The following RIMS2 variants were observed in gnomAD, a reference collection of about 807,000 sequenced individuals.
RIMS2 encodes regulating synaptic membrane exocytosis protein 2.
In RIMS2, 59 loss-of-function variants were observed where a neutral mutation model predicts 174.4. That is an observed-to-expected ratio of 0.34 (90% CI 0.27 to 0.42). The LOEUF is 0.42. Among genes scored for constraint, RIMS2 ranks in the 10% least tolerant of loss-of-function variants. RIMS2 has a pLI of 1.00. For missense variants in RIMS2, 1,620 were observed against 1,666.3 expected (o/e 0.97, Z 0.48); for synonymous variants, 606 against 572.5 (o/e 1.06, Z -0.84).
rs185567272 is a variant in RIMS2, at chr8:103,834,169, T to A, written c.699-51129T>A. Among the ~76,000 whole-genome samples, 261 of 152,126 alleles carry A rather than the reference T, an allele frequency of 1.7e-3. 1 individual carries two copies. Among genetic ancestry groups the A allele is most frequent in the African/African-American group, 5.1e-3 (212 of 41,534 alleles). On this transcript the variant is annotated intron_variant, in intron 3 of 23. Transcript: ENST00000504942. ...GAACTACAGGCATGCATCATTTTTT[T>A]AAAAAATTTTTTGTAGAGACAGGGT...
At chr8:104,163,365 GTCC>G (rs1388480787) in intron 19 of RIMS2, among the ~76,000 whole-genome samples, 2 of 151,940 alleles carry the variant, frequency 1.3e-5, no homozygotes, top group East Asian at 3.9e-4. Flanking sequence ...GCCAACTATT[GTCC>G]TCCTCATATG....
intron 19 of RIMS2, among the ~76,000 whole-genome samples, chr8:104,018,457 T>G (rs1362053783): frequency 1.3e-5 from 2 of 152,228 alleles, no homozygotes; most frequent in Non-Finnish European, 2.9e-5. Context: ...ACTTAAGCTA[T>G]CTAGGCAATT....
At chr8:103,737,307 C>T (rs1292725217) in intron 2 of RIMS2, among the ~76,000 whole-genome samples, 1 of 150,602 alleles carries the variant, frequency 6.6e-6, no homozygotes, top group Non-Finnish European at 1.5e-5. Context: ...CCTAAGCCTC[C>T]TGAGTAGCTG....
chr8:104,182,460 C>G (rs1046688775), intron 19 of RIMS2, among the ~76,000 whole-genome samples: 1 of 151,770 alleles, frequency 6.6e-6, no homozygotes, highest in African/African-American at 2.4e-5. Flanking sequence ...ACAACCATCT[C>G]CACAATTTTA....
intron 17 of RIMS2, among the ~76,000 whole-genome samples, chr8:104,012,317 A>G (rs1037345700): frequency 8.6e-5 from 13 of 151,480 alleles, no homozygotes; most frequent in African/African-American, 2.9e-4. Context: ...TGTTTGCCAT[A>G]TAATTCATGA....
At chr8:104,147,448 C>T (rs2098650774) in intron 19 of RIMS2, among the ~76,000 whole-genome samples, 1 of 152,066 alleles carries the variant, frequency 6.6e-6, no homozygotes, top group Non-Finnish European at 1.5e-5. Context: ...TAGCCTTTAA[C>T]CAGATTTTAC....
In RIMS2 at chr8:103,916,410, A is replaced by G. The variant is rs576171183; in HGVS notation, c.1913-4A>G. The G allele has an allele frequency of 4.6e-5, 73 of 1,599,722 alleles. No individual in the cohort carries two copies. In the African/African-American group the frequency reaches 8.2e-4, roughly 18 times the overall value. On this transcript the variant is annotated splice_region_variant and splice_polypyrimidine_tract_variant and intron_variant, in intron 7 of 23. Coordinates refer to ENST00000504942, the Ensembl canonical transcript of RIMS2. ...AAGATTATTATTACTGACACCCACT[A>G]TAGGTGATGAAGTATTAGAATGGAA...
intron 4 of RIMS2, among the ~76,000 whole-genome samples, chr8:103,896,541 G>A (rs749863355): frequency 2.6e-5 from 4 of 151,616 alleles, no homozygotes; most frequent in Admixed American, 6.6e-5. Flanking sequence ...CTTGATTTTT[G>A]TGAAGAGAAA....
intron 2 of RIMS2, among the ~76,000 whole-genome samples, chr8:103,746,188 C>T (rs1178472463): frequency 1.3e-5 from 2 of 152,156 alleles, no homozygotes; most frequent in East Asian, 3.8e-4. Context: ...GTTCCAGTGC[C>T]ATTTATTGAA....
chr8:103,636,803 C>CG (rs1322508776), intron 1 of RIMS2, among the ~76,000 whole-genome samples: 19 of 74,192 alleles, frequency 2.6e-4, no homozygotes, highest in Admixed American at 8.4e-4. Context: ...CCCCCCCCCA[C>CG]ACACACACAC....
At chr8:103,916,616 C>T (rs2076675075) in intron 8 of RIMS2, 79 bp downstream of exon 11, 2 of 1,141,318 alleles carry the variant, frequency 1.8e-6, no homozygotes, top group African/African-American at 3.1e-5. Context: ...TTAATAATTT[C>T]TGATTGCTTT....
intron 19 of RIMS2, among the ~76,000 whole-genome samples, chr8:104,205,758 A>G (rs914634865): frequency 6.9e-6 from 1 of 144,510 alleles, no homozygotes; most frequent in East Asian, 2.0e-4. Flanking sequence ...ATTTATTTGA[A>G]TTTTTTTTTT....
rs1273815188 is a variant in RIMS2 at position 103,784,975 on chromosome 8, G to A, written c.698+18438G>A. On this transcript the variant is annotated intron_variant, in intron 3 of 23. Transcript: ENST00000504942. ...AGTGGTTTGTAGTTCTCCTTGAAGA[G>A]GTTCTTCACATCCCTTGTAAGTTGG... Among the ~76,000 whole-genome samples, 5 of 141,662 alleles carry A rather than the reference G, an allele frequency of 3.5e-5. 2 individuals carry two copies. Among genetic ancestry groups the A allele is most frequent in the African/African-American group, 1.3e-4 (5 of 37,202 alleles). 92.9% of individuals were successfully genotyped at this position (141,662 alleles called of 152,430 possible). A position where few individuals can be genotyped will look rare whatever the true frequency, so the allele number is the denominator to read the frequency against.
At chr8:104,241,723 A>G (rs576321955) in intron 19 of RIMS2, among the ~76,000 whole-genome samples, 1 of 152,064 alleles carries the variant, frequency 6.6e-6, no homozygotes, top group African/African-American at 2.4e-5. Context: ...ACTTGTACAA[A>G]ATTGTATTAC....
At chr8:103,924,163 A>G (rs1160546240) in intron 10 of RIMS2, among the ~76,000 whole-genome samples, 1 of 151,692 alleles carries the variant, frequency 6.6e-6, no homozygotes, top group Non-Finnish European at 1.5e-5. Context: ...AAATTACAAT[A>G]TAAAAGGCAA....
chr8:103,535,228 C>G (rs1457014513), intron 1 of RIMS2, among the ~76,000 whole-genome samples: 1 of 152,180 alleles, frequency 6.6e-6, no homozygotes, highest in Non-Finnish European at 1.5e-5. Context: ...GTTATGCTAG[C>G]AGAAGTAGAG....
intron 1 of RIMS2, among the ~76,000 whole-genome samples, chr8:103,670,231 G>C (rs912532685): frequency 6.6e-6 from 1 of 152,352 alleles, no homozygotes; most frequent in Admixed American, 6.5e-5. Context: ...TGGGATGCAG[G>C]GCACGAAGAC....
chr8:103,850,121 T>C lies in RIMS2; in HGVS notation c.699-35177T>C, dbSNP rs181920007. ...TTAACAAGGTATTAACATTTTTCTT[T>C]TCACTCACTTTTATTTCACTCCAGA... is the stretch of plus-strand genomic sequence containing the variant. On this transcript the variant is annotated intron_variant, in intron 3 of 23. Transcript: ENST00000504942. Among the ~76,000 whole-genome samples, 160 of 152,152 alleles carry C rather than the reference T, an allele frequency of 1.1e-3. 1 individual carries two copies. In the Middle Eastern group the frequency reaches 0.027, roughly 26 times the overall value.
intron 19 of RIMS2, among the ~76,000 whole-genome samples, chr8:104,141,069 T>C (rs541036728): frequency 6.6e-6 from 1 of 152,242 alleles, no homozygotes; most frequent in African/African-American, 2.4e-5. Context: ...TGCTTAATTG[T>C]TTTTAAAGAA....
Sources: gnomAD v4.1 joint callset for allele counts (sites outside exome capture counted in the v4.1 genomes callset) on GRCh38, gnomAD v4.1.1 for gene constraint, MANE v1.5 for transcripts, NCBI Gene and HGNC (gene_info 2026-07-23, HGNC 2026-07-21) for gene names.